ADAM22: variants seen among roughly 807,000 people sequenced by gnomAD.
ADAM22 encodes the protein disintegrin and metalloproteinase domain-containing protein 22.
A neutral mutation model predicts 144.6 loss-of-function variants in ADAM22; 65 were observed. That is an observed-to-expected ratio of 0.45 (90% confidence interval 0.37 to 0.55). ADAM22 has a LOEUF of 0.55. Among genes scored for constraint, ADAM22 ranks in the 20% least tolerant of loss-of-function variants. The pLI is 0.00. For synonymous variants in ADAM22, 391 were observed against 412.6 expected, an observed-to-expected ratio of 0.95 and a Z score of 0.63; for missense variants, 974 against 1,184.9, an observed-to-expected ratio of 0.82 and a Z score of 2.61.
At chr7:88,012,340 T>C (rs185886772) in intron 3 of ADAM22, among the ~76,000 whole-genome samples, 122 of 152,320 alleles carry the variant, frequency 8.0e-4, no homozygotes, top group African/African-American at 2.9e-3. Context: ...TGGAGTCTGC[T>C]TTTGATGCTT....
intron 21 of ADAM22, 116 bp downstream of exon 21, chr7:88,153,442 A>T: frequency 1.3e-6 from 1 of 748,418 alleles, no homozygotes; most frequent in South Asian, 1.9e-5. Flanking sequence ...TTGCCTCCTT[A>T]ACCTCATCTC....
At chr7:88,150,906 T>G in intron 18 of ADAM22, 75 bp from the exon 19 acceptor site, 1 of 1,271,666 alleles carries the variant, frequency 7.9e-7, no homozygotes, top group Non-Finnish European at 1.1e-6. Context: ...TTTTTAAAAG[T>G]GAAAACATTA....
chr7:88,155,834 C>T, intron 21 of ADAM22, 53 bp from the exon 22 acceptor site: 1 of 1,591,182 alleles, frequency 6.3e-7, no homozygotes, highest in Non-Finnish European at 8.6e-7. Context: ...TCTAACTGTA[C>T]ATGGTTTGCT....
chr7:88,154,482 C>T (rs1586266511), intron 21 of ADAM22, among the ~76,000 whole-genome samples: 1 of 152,104 alleles, frequency 6.6e-6, no homozygotes, highest in East Asian at 1.9e-4. Context: ...GAAACACTTT[C>T]TATATATAAA....
intron 2 of ADAM22, among the ~76,000 whole-genome samples, chr7:87,935,686 A>G (rs190756411): frequency 1.3e-5 from 2 of 152,330 alleles, no homozygotes; most frequent in East Asian, 3.9e-4. Context: ...ATTCGCACAC[A>G]TTTGTGGACA....
intron 3 of ADAM22, among the ~76,000 whole-genome samples, chr7:88,045,068 A>T (rs2129472772): frequency 6.7e-6 from 1 of 149,774 alleles, no homozygotes; most frequent in Non-Finnish European, 1.5e-5. Context: ...CCCAGGCTGG[A>T]GTACAATGGC....
chr7:88,033,166 G>T (rs1563069089), intron 3 of ADAM22, among the ~76,000 whole-genome samples: 1 of 152,192 alleles, frequency 6.6e-6, no homozygotes, highest in Admixed American at 6.5e-5. Context: ...GGGCTTCTTT[G>T]TACCTGTCTT....
chr7:88,076,418 T>C (rs1229273985), intron 4 of ADAM22, among the ~76,000 whole-genome samples: 2 of 152,170 alleles, frequency 1.3e-5, no homozygotes, highest in Non-Finnish European at 2.9e-5. Context: ...TTGCCTTTAA[T>C]GTTACCCCTG....
intron 3 of ADAM22, among the ~76,000 whole-genome samples, chr7:87,988,735 C>G (rs977361694): frequency 6.6e-6 from 1 of 152,124 alleles, no homozygotes; most frequent in East Asian, 1.9e-4. Context: ...TTTACTTTCT[C>G]TGGTTCTCAG....
chr7:88,039,464 A>AAAAAAAAAAAAAAAATAT, intron 3 of ADAM22, among the ~76,000 whole-genome samples: 7 of 76,402 alleles, frequency 9.2e-5, no homozygotes, highest in Non-Finnish European at 1.4e-4. Flanking sequence ...AAAAAAAAAA[A>AAAAAAAAAAAAAAAATAT]ATATATATAT....
intron 2 of ADAM22, among the ~76,000 whole-genome samples, chr7:87,964,286 A>G (rs577597782): frequency 1.3e-5 from 2 of 152,362 alleles, no homozygotes; most frequent in East Asian, 3.9e-4. Context: ...TGTTGGATGT[A>G]TAATGGATAA....
chr7:88,124,290 TCTG>T (rs1162185020), intron 7 of ADAM22, among the ~76,000 whole-genome samples: 1 of 152,000 alleles, frequency 6.6e-6, no homozygotes, highest in Non-Finnish European at 1.5e-5. Flanking sequence ...ATTTTAAAAC[TCTG>T]TTATTAGGTG....
intron 2 of ADAM22, among the ~76,000 whole-genome samples, chr7:87,956,125 C>T (rs1053945110): frequency 6.6e-6 from 1 of 152,190 alleles, no homozygotes; most frequent in African/African-American, 2.4e-5. Flanking sequence ...GCACAGTGTG[C>T]TGCATCCACT....
At chr7:88,143,817 A>G (rs929577722) in intron 15 of ADAM22, among the ~76,000 whole-genome samples, 18 of 152,224 alleles carry the variant, frequency 1.2e-4, no homozygotes, top group Admixed American at 1.1e-3. Flanking sequence ...ACCTGGTTTA[A>G]TTTTCTGTTC....
At chr7:87,958,102 T>G (rs748515386) in intron 2 of ADAM22, among the ~76,000 whole-genome samples, 1 of 152,186 alleles carries the variant, frequency 6.6e-6, no homozygotes, top group Non-Finnish European at 1.5e-5. Context: ...CATTTTCCCA[T>G]TAGTAGTATT....
At chr7:87,997,704 G>GA (rs1187442694) in intron 3 of ADAM22, among the ~76,000 whole-genome samples, 3 of 152,222 alleles carry the variant, frequency 2.0e-5, no homozygotes, top group Admixed American at 2.0e-4. Context: ...CACAGGCTTT[G>GA]AATCTCTCAA....
At chr7:88,165,809 T>C in intron 23 of ADAM22, 23 bp from the exon 24 acceptor site, 1 of 1,533,012 alleles carries the variant, frequency 6.5e-7, no homozygotes, top group Non-Finnish European at 9.0e-7. Context: ...TGACATTTAC[T>C]CTAGCTTGAT....
At chr7:88,118,797 T>A (rs989517900) in intron 7 of ADAM22, among the ~76,000 whole-genome samples, 3 of 152,122 alleles carry the variant, frequency 2.0e-5, no homozygotes, top group African/African-American at 7.2e-5. Context: ...TCTGTTTCAA[T>A]CAGTTTCTAG....
chr7:88,107,198 CTTTTTTTTTT>C (rs561936408), intron 4 of ADAM22, among the ~76,000 whole-genome samples: 2 of 76,582 alleles, frequency 2.6e-5, no homozygotes, highest in African/African-American at 1.1e-4. Context: ...GATTGAATTT[CTTTTTTTTTT>C]TTTTTTTTTT....
Sources: allele counts gnomAD v4.1 joint callset (sites outside exome capture counted in the v4.1 genomes callset), GRCh38; gene constraint gnomAD v4.1.1; transcripts MANE v1.5; gene names NCBI Gene and HGNC (gene_info 2026-07-23, HGNC 2026-07-21).